Variants in RAB36 observed in about 807,000 individuals in gnomAD.
The protein encoded by RAB36 is RAB36, member RAS oncogene family, also known as ras-related protein Rab-36.
A neutral mutation model predicts 39.3 loss-of-function variants in RAB36; 33 were observed. That is an observed-to-expected ratio of 0.84 (90% CI 0.64 to 1.12). The LOEUF (loss-of-function observed/expected upper bound fraction) is 1.12. Among genes scored for constraint, RAB36 ranks in the 50% most tolerant of loss-of-function variants. The pLI is 0.00. For missense variants in RAB36, 308 were observed against 355.3 expected (o/e 0.87, Z 1.07); for synonymous variants, 133 against 140.2 (o/e 0.95, Z 0.36).
At position 23,158,988 on chromosome 22, in the gene RAB36, A is replaced by G. The variant is rs776533190; in HGVS notation, c.528+9A>G. The G allele has an allele frequency of 6.2e-7, 1 of 1,613,686 alleles. No individual in the cohort carries two copies. On this transcript the variant is annotated intron_variant, in intron 8 of 10. Coordinates refer to ENST00000263116, the MANE Select transcript of RAB36 (RefSeq NM_004914.5). ...CCAAGAAGGACCTTCTGGTGAGCAG[A>G]GTGGCACTGGTGGTCTGGGTGGCCC... is the stretch of plus-strand genomic sequence containing the variant.
intron 3 of RAB36, among the ~76,000 whole-genome samples, chr22:23,151,043 C>T (rs2071089646): frequency 6.6e-6 from 1 of 152,206 alleles, no homozygotes; most frequent in South Asian, 2.1e-4. Flanking sequence ...CCTGCTTTTG[C>T]CCCTCTTCCT....
At position 23,159,066 on chromosome 22, in the gene RAB36, G is replaced by A. The variant is rs940517982; in HGVS notation, c.528+87G>A. ...TCATTGGAGGAGCCATGGGGAGGGA[G>A]GGAGGCAGCACAGTGGGAAGCAGGC... On this transcript the variant is annotated intron_variant, in intron 8 of 10. Transcript: ENST00000263116. 3.1e-6 allele frequency: 5 copies of A among 1,588,260 alleles called. No individual in the cohort carries two copies. In the African/African-American group the frequency reaches 6.7e-5, roughly 21 times the overall value.
At chr22:23,160,590 G>A (rs1033803157) in intron 9 of RAB36, among the ~76,000 whole-genome samples, 1 of 152,202 alleles carries the variant, frequency 6.6e-6, no homozygotes, top group Admixed American at 6.5e-5. Flanking sequence ...AGTAGATGCT[G>A]GGAAGCAAAG....
At chr22:23,153,942 G>T (rs2071310781) in intron 5 of RAB36, among the ~76,000 whole-genome samples, 1 of 152,054 alleles carries the variant, frequency 6.6e-6, no homozygotes, top group Non-Finnish European at 1.5e-5. Context: ...ACCCGCTTCA[G>T]CCTCCCAAAG....
chr22:23,147,700 T>C (rs927226653), intron 2 of RAB36, among the ~76,000 whole-genome samples: 3 of 152,104 alleles, frequency 2.0e-5, no homozygotes, highest in African/African-American at 7.2e-5. Context: ...TGCATAAGGA[T>C]AGGGGTTGGA....
chr22:23,153,178 G>A (rs1569209740), intron 5 of RAB36, 44 bp downstream of exon 5: 1 of 1,444,408 alleles, frequency 6.9e-7, no homozygotes, highest in Admixed American at 1.7e-5. Context: ...GCTTCCTACA[G>A]GCACCTGAGA....
intron 3 of RAB36, among the ~76,000 whole-genome samples, chr22:23,150,427 G>A (rs866618698): frequency 4.0e-4 from 60 of 150,892 alleles, no homozygotes; most frequent in African/African-American, 9.3e-4. Flanking sequence ...TCAGCCTCCC[G>A]AGTAGCGGGG....
intron 5 of RAB36, 133 bp from the exon 6 acceptor site, chr22:23,155,835 G>A (rs1414524643): frequency 2.8e-6 from 2 of 727,240 alleles, no homozygotes; most frequent in Non-Finnish European, 2.1e-6. Context: ...CTCACAACAG[G>A]CACTTCCTGA....
chr22:23,164,672 A>G lies in RAB36; in HGVS notation c.*3108A>G, dbSNP rs1007646197. 3.9e-5 allele frequency among the ~76,000 whole-genome samples: 6 copies of G among 152,126 alleles called. No individual in the cohort carries two copies. The highest frequency in any genetic ancestry group is 9.7e-5 in the African/African-American group (4 of 41,406). ...AGCCCCCTGCAGCCAAGGTGCGGCA[A>G]TGACCACAGTGACCGCGTCCAAGTG... On this transcript the variant is annotated 3_prime_UTR_variant, in exon 11 of 11. Coordinates refer to ENST00000263116, the MANE Select transcript of RAB36 (RefSeq NM_004914.5).
At chr22:23,166,147 TAAA>T (rs695297), downstream of RAB36, among the ~76,000 whole-genome samples, 8,001 of 59,664 alleles carry the variant, frequency 0.13, 693 homozygotes, top group South Asian at 0.17. Flanking sequence ...CTCTGTCTTT[TAAA>T]AAAAAAAAAA....
In RAB36 at chr22:23,164,600, G is replaced by A. The variant is rs575727731; in HGVS notation, c.*3036G>A. On this transcript the variant is annotated 3_prime_UTR_variant, in exon 11 of 11. Transcript: ENST00000263116. ...CCCAGCATCGGGCAGTAAGTTTCCT[G>A]GGCAGAGGCACTTTCTGTTGGTCTG... Among the ~76,000 whole-genome samples the A allele has an allele frequency of 6.6e-6, 1 of 152,274 alleles. No homozygotes were observed. The highest frequency in any genetic ancestry group is 2.1e-4 in the South Asian group (1 of 4,820).
intron 2 of RAB36, among the ~76,000 whole-genome samples, chr22:23,149,204 G>A (rs2070966139): frequency 2.1e-5 from 1 of 47,290 alleles, no homozygotes; most frequent in African/African-American, 1.1e-4. Context: ...AGGGGTGGGG[G>A]GCGGGGGGCG....
At chr22:23,169,134 C>G (rs1351421815), downstream of RAB36, among the ~76,000 whole-genome samples, 1 of 152,216 alleles carries the variant, frequency 6.6e-6, no homozygotes, top group Non-Finnish European at 1.5e-5. Context: ...GGGCCCAGGT[C>G]TGGAAGGGAA....
At position 23,150,149 on chromosome 22, in the gene RAB36, T is replaced by G. The variant is rs377727386; in HGVS notation, c.156T>G (p.Thr52=). The change falls in exon 3 of 11, where the codon ACT becomes ACG. Residue 52 remains threonine, a synonymous_variant. Coordinates refer to ENST00000263116, the MANE Select transcript of RAB36 (RefSeq NM_004914.5). ...CCTGCCAACGCAGGAACACGGGGAC[T>G]GTCGGGTGAGCCTGCAGGGTGTGGG... ...SAACQRRNTG[T]VGLKLSKVVV... is the part of the protein sequence containing the mutation. 2.2e-5 allele frequency: 35 copies of G among 1,610,560 alleles called. No individual in the cohort carries two copies. The African/African-American group carries it at 4.5e-4, about 21-fold the overall frequency.
chr22:23,149,365 A>G (rs2070974995), intron 2 of RAB36, among the ~76,000 whole-genome samples: 1 of 152,222 alleles, frequency 6.6e-6, no homozygotes. Flanking sequence ...TTCTAATTAC[A>G]GACCAGGTGA....
In RAB36 at chr22:23,163,451, A is replaced by ATGATCTGACCTCG. The variant is rs1396111710; in HGVS notation, c.*1895_*1907dup. On this transcript the variant is annotated 3_prime_UTR_variant, in exon 11 of 11. Transcript: ENST00000263116. ...CACCGTGTTAGCCAGGATGGTCTCG[A>ATGATCTGACCTCG]TGATCTGACCTCGTGATCTGCCCGC... 2.1e-5 allele frequency: 3 copies of ATGATCTGACCTCG among 144,656 alleles called. No individual in the cohort carries two copies. Among genetic ancestry groups the ATGATCTGACCTCG allele is most frequent in the Non-Finnish European group, 4.5e-5 (3 of 66,276 alleles). 9.0% of individuals were successfully genotyped at this position (144,656 alleles called of 1,614,324 possible). A position where few individuals can be genotyped will look rare whatever the true frequency, so the allele number is the denominator to read the frequency against.
chr22:23,154,121 C>T (rs1176603137), intron 5 of RAB36, among the ~76,000 whole-genome samples: 1 of 152,122 alleles, frequency 6.6e-6, no homozygotes, highest in Non-Finnish European at 1.5e-5. Flanking sequence ...TCTCCCACCC[C>T]AGCTGGGTAG....
chr22:23,168,163 C>T (rs1196360116), downstream of RAB36, among the ~76,000 whole-genome samples: 7 of 152,178 alleles, frequency 4.6e-5, no homozygotes, highest in South Asian at 2.1e-4. Context: ...GCAGCCCACA[C>T]GGCAGATGCC....
intron 9 of RAB36, among the ~76,000 whole-genome samples, chr22:23,160,648 T>G (rs5759609): frequency 0.51 from 77,783 of 151,796 alleles, 20,077 homozygotes; most frequent in East Asian, 0.65. Context: ...GGGTGGGAGT[T>G]GGGAGGCTGG....
Sources: gnomAD v4.1 joint callset for allele counts (sites outside exome capture counted in the v4.1 genomes callset) on GRCh38, gnomAD v4.1.1 for gene constraint, MANE v1.5 for transcripts, NCBI Gene and HGNC (gene_info 2026-07-23, HGNC 2026-07-21) for gene names.